Variants in PROP1 observed in about 807,000 individuals in gnomAD.
PROP1 encodes the protein PROP paired-like homeobox 1, also known as homeobox protein prophet of Pit-1.
In PROP1, 12 loss-of-function variants were observed where a neutral mutation model predicts 22.3. The observed-to-expected ratio is 0.54, with a 90% CI of 0.34 to 0.87. The LOEUF (loss-of-function observed/expected upper bound fraction) is 0.87. Among genes scored for constraint, PROP1 ranks in the 40% least tolerant of loss-of-function variants. The pLI, the probability that PROP1 is intolerant of heterozygous loss-of-function variation, is 0.01. For missense variants in PROP1, 278 were observed against 295.1 expected, an observed-to-expected ratio of 0.94 and a Z score of 0.43; for synonymous variants, 112 against 116.7, an observed-to-expected ratio of 0.96 and a Z score of 0.26.
rs777985364 is a variant in PROP1, at chr5:177,994,136, C to G, written c.312G>C (p.Arg104=). The part of the protein sequence containing the change: ...PDIWARESLA[R]DTGLSEARIQ... ...TTCGGGCCTCACTGAGGCCAGTGTC[C>G]CGGGCAAGACTCTCTCGGGCCCAGA... The change falls in exon 2 of 3, where the codon CGG becomes CGC. Residue 104 remains arginine (R), a synonymous_variant. Transcript: ENST00000308304. 8 of 1,614,010 alleles carry G rather than the reference C, an allele frequency of 5.0e-6. No homozygotes were observed. Among genetic ancestry groups the G allele is most frequent in the Non-Finnish European group, 6.8e-6 (8 of 1,180,020 alleles).
In PROP1 at chr5:177,992,944, T is replaced by C; in HGVS notation, c.446A>G (p.Glu149Gly). 1.2e-6 allele frequency: 2 copies of C among 1,613,912 alleles called. No homozygotes were observed. The highest frequency in any genetic ancestry group is 1.7e-6 in the Non-Finnish European group (2 of 1,179,970). Residue 149 changes from glutamate (E) to glycine (G), a missense_variant, in exon 3 of 3, where the codon GAG becomes GGG. Glu to Gly is a moderately conservative substitution (Grantham distance 98, BLOSUM62 -2). Transcript: ENST00000308304. ...GTAAGAATAGGGGCAAGCAGTGGAC[T>C]CTGGCAAGAAGCTGGAAAAGGCGGC... ...SPAAFSSFLP[E>G]STACPYSYAA...
chr5:177,995,959 C>G lies in PROP1; in HGVS notation c.-26G>C, dbSNP rs1017026134. ...GGCTCGCCACGGGGACCAAGTGTCCCTGAATCTCTGACTTGAGATTTCTCT... is the reference window on the plus strand; with the variant it reads ...GGCTCGCCACGGGGACCAAGTGTCCGTGAATCTCTGACTTGAGATTTCTCT... On this transcript the variant is annotated 5_prime_UTR_variant, in exon 1 of 3. Coordinates refer to ENST00000308304, the MANE Select transcript of PROP1 (RefSeq NM_006261.5). 1.3e-6 allele frequency: 2 copies of G among 1,595,254 alleles called. No homozygotes were observed. Among genetic ancestry groups the G allele is most frequent in the Non-Finnish European group, 1.7e-6 (2 of 1,164,840 alleles).
rs767952998 is a variant in PROP1, at chr5:177,994,213, C to G, written c.235G>C (p.Val79Leu). The G allele has an allele frequency of 3.1e-6, 5 of 1,614,156 alleles. No individual in the cohort carries two copies. Among genetic ancestry groups the G allele is most frequent in the Non-Finnish European group, 8.5e-7 (1 of 1,180,022 alleles). ...GCTGACTCCAGCTGTTCCAACTGCA[C>G]TGGGCTGAAGGTGGTGCGGTGGCGG... The part of the protein sequence containing the change: ...RRRHRTTFSP[V>L]QLEQLESAFG... Residue 79 changes from valine (V) to leucine (L), a missense_variant, in exon 2 of 3, where the codon GTG (valine) becomes CTG (leucine). Val to Leu is a conservative substitution (Grantham distance 32, BLOSUM62 1). Coordinates refer to ENST00000308304, the MANE Select transcript of PROP1 (RefSeq NM_006261.5).
chr5:177,992,389 CAATT>C lies in PROP1; in HGVS notation c.*316_*319del, dbSNP rs908131836. Reference sequence around the variant, plus strand: ...CTGGGATCTTCTTCAATCGTGATCTCAATTAATGAAGGCCCTCACCTCCTAGCCC... The same window carrying C: ...CTGGGATCTTCTTCAATCGTGATCTCAATGAAGGCCCTCACCTCCTAGCCC... On this transcript the variant is annotated 3_prime_UTR_variant, in exon 3 of 3. Transcript: ENST00000308304. 3.5e-5 allele frequency: 13 copies of C among 375,678 alleles called. No homozygotes were observed. Among genetic ancestry groups the C allele is most frequent in the African/African-American group, 2.2e-4 (11 of 49,600 alleles). 23.3% of individuals were successfully genotyped at this position (375,678 alleles called of 1,614,324 possible).
intron 2 of PROP1, 67 bp from the exon 3 acceptor site, chr5:177,993,114 A>G: frequency 7.3e-7 from 1 of 1,361,070 alleles, no homozygotes; most frequent in Non-Finnish European, 1.0e-6. Flanking sequence ...TACTCCAATG[A>G]CAAGAGGTGC....
Position 177,996,006 on chromosome 5 carries a change from A to T in PROP1, c.-73T>A. On this transcript the variant is annotated 5_prime_UTR_variant, in exon 1 of 3. Coordinates refer to ENST00000308304, the MANE Select transcript of PROP1 (RefSeq NM_006261.5). Reference sequence around the variant, plus strand: ...CTCTGCTTCCGCAGCTCCTCTCCACACCTGTTCCCTCCCCTTCTCCCTCTG... The same window carrying T: ...CTCTGCTTCCGCAGCTCCTCTCCACTCCTGTTCCCTCCCCTTCTCCCTCTG... The T allele has an allele frequency of 7.7e-7, 1 of 1,300,952 alleles. No homozygotes were observed. Among genetic ancestry groups the T allele is most frequent in the Middle Eastern group, 1.8e-4 (1 of 5,512 alleles). The allele number at this position is 1,300,952 out of a possible 1,614,324, so 80.6% of individuals were successfully genotyped here.
At chr5:177,993,379 G>A (rs1772700113) in intron 2 of PROP1, among the ~76,000 whole-genome samples, 1 of 152,168 alleles carries the variant, frequency 6.6e-6, no homozygotes, top group African/African-American at 2.4e-5. Flanking sequence ...GATTAAGACT[G>A]TAGATAAATG....
rs1481919405 is a variant in PROP1 at position 177,996,112 on chromosome 5, CT to C, written c.-180del. On this transcript the variant is annotated 5_prime_UTR_variant, in exon 1 of 3. Coordinates refer to ENST00000308304, the MANE Select transcript of PROP1 (RefSeq NM_006261.5). ...GTCTCTGACTTTTTCACTGTCTTTA[CT>C]TTTTTTCTAATTGTTTCCTAATTCC... 2.0e-5 allele frequency: 13 copies of C among 639,136 alleles called. No homozygotes were observed. The highest frequency in any genetic ancestry group is 3.6e-5 in the African/African-American group (2 of 54,838). 39.6% of individuals were successfully genotyped at this position (639,136 alleles called of 1,614,324 possible). A position where few individuals can be genotyped will look rare whatever the true frequency, so the allele number is the denominator to read the frequency against.
chr5:177,994,297 C>A lies in PROP1; in HGVS notation c.151G>T (p.Gly51Trp), dbSNP rs995937296. Residue 51 changes from glycine to tryptophan, a missense_variant, in exon 2 of 3, where the codon GGG becomes TGG. Transcript: ENST00000308304. ...PPCRRLPGAG[G>W]GRSRFSPQGG... Reference sequence around the variant, plus strand: ...TGCGGGGAGAACCTTGATCTCCCCCCTCCTGCACCAGGGAGCCTTCTGCAG... The same window carrying A: ...TGCGGGGAGAACCTTGATCTCCCCCATCCTGCACCAGGGAGCCTTCTGCAG... The A allele has an allele frequency of 1.4e-5, 23 of 1,611,834 alleles. No homozygotes were observed. The highest frequency in any genetic ancestry group is 2.7e-5 in the African/African-American group (2 of 74,886).
Position 177,992,543 on chromosome 5 carries a change from C to A in PROP1, c.*166G>T. 3 of 620,366 alleles carry A rather than the reference C, an allele frequency of 4.8e-6. No homozygotes were observed. Among genetic ancestry groups the A allele is most frequent in the South Asian group, 4.0e-5 (2 of 50,564 alleles). The allele number at this position is 620,366 out of a possible 1,614,324, so 38.4% of individuals were successfully genotyped here. The stretch of plus-strand genomic sequence containing the variant: ...CTCCCCAGACTTCCTCCACTAATCA[C>A]CCCAGTGAGAATTCACCATGATCTC... On this transcript the variant is annotated 3_prime_UTR_variant, in exon 3 of 3. Coordinates refer to ENST00000308304, the MANE Select transcript of PROP1 (RefSeq NM_006261.5).
In PROP1 at chr5:177,996,047, G is replaced by T; in HGVS notation, c.-114C>A. ...TCTCCCTCTGTGTATGCCACCCTCT[G>T]GGACTCTGTCTCTGAATGTGTGTGT... On this transcript the variant is annotated 5_prime_UTR_variant, in exon 1 of 3. Coordinates refer to ENST00000308304, the MANE Select transcript of PROP1 (RefSeq NM_006261.5). 1 of 868,544 alleles carries T rather than the reference G, an allele frequency of 1.2e-6. No individual in the cohort carries two copies. The highest frequency in any genetic ancestry group is 1.4e-5 in the South Asian group (1 of 71,622). 53.8% of individuals were successfully genotyped at this position (868,544 alleles called of 1,614,324 possible). A position where few individuals can be genotyped will look rare whatever the true frequency, so the allele number is the denominator to read the frequency against.
chr5:177,996,065 G>A lies in PROP1; in HGVS notation c.-132C>T, dbSNP rs1366282154. The A allele has an allele frequency of 1.3e-5, 10 of 749,506 alleles. No individual in the cohort carries two copies. The highest frequency in any genetic ancestry group is 2.3e-4 in the Middle Eastern group (1 of 4,432). The allele number at this position is 749,506 out of a possible 1,614,324, so 46.4% of individuals were successfully genotyped here. On this transcript the variant is annotated 5_prime_UTR_variant, in exon 1 of 3. Transcript: ENST00000308304. ...ACCCTCTGGGACTCTGTCTCTGAAT[G>A]TGTGTGTAGGTGCAGGCAGCTGTCT...
intron 2 of PROP1, among the ~76,000 whole-genome samples, chr5:177,993,591 TG>T (rs2113062182): frequency 6.6e-6 from 1 of 152,024 alleles, no homozygotes; most frequent in South Asian, 2.1e-4. Context: ...GACAAAGTTT[TG>T]TTCTTGTTGC....
In PROP1 at chr5:177,992,918, C is replaced by T. The variant is rs767223043; in HGVS notation, c.472G>A (p.Ala158Thr). 3.2e-5 allele frequency: 52 copies of T among 1,613,430 alleles called. No individual in the cohort carries two copies. Among genetic ancestry groups the T allele is most frequent in the Non-Finnish European group, 4.2e-5 (50 of 1,179,878 alleles). Reference protein sequence around the residue: ...PESTACPYSYAAPPPPVTCFP... With the variant: ...PESTACPYSYTAPPPPVTCFP... ...CAGGTCACTGGTGGTGGTGGTGCTG[C>T]GTAAGAATAGGGGCAAGCAGTGGAC... Residue 158 changes from alanine (A) to threonine (T), a missense_variant, in exon 3 of 3, where the codon GCA (alanine) becomes ACA (threonine). Transcript: ENST00000308304.
chr5:177,995,815 G>A lies in PROP1; in HGVS notation c.109+10C>T, dbSNP rs752485256. On this transcript the variant is annotated intron_variant, in intron 1 of 2. Transcript: ENST00000308304. ...CTCAGGGACCCACGCACACCGGGAC[G>A]GTCACTCACCCACCGTGGTGGTCGG... 5.0e-6 allele frequency: 8 copies of A among 1,608,944 alleles called. No homozygotes were observed. The African/African-American group carries it at 5.3e-5, about 11-fold the overall frequency.
rs1369929661 is a variant in PROP1 at position 177,994,302 on chromosome 5, G to A, written c.146C>T (p.Ala49Val). The A allele has an allele frequency of 2.5e-6, 4 of 1,609,980 alleles. No individual in the cohort carries two copies. The East Asian group carries it at 8.9e-5, about 36-fold the overall frequency. The change falls in exon 2 of 3, where the codon GCA (alanine) becomes GTA (valine). Residue 49 changes from alanine (A) to valine (V), a missense_variant. By Grantham distance (64) the Ala-to-Val change is moderately conservative. Coordinates refer to ENST00000308304, the MANE Select transcript of PROP1 (RefSeq NM_006261.5). Reference protein sequence around the residue: ...SAPPCRRLPGAGGGRSRFSPQ... With the variant: ...SAPPCRRLPGVGGGRSRFSPQ... ...GGAGAACCTTGATCTCCCCCCTCCT[G>A]CACCAGGGAGCCTTCTGCAGGGTGG...
Position 177,995,854 on chromosome 5 carries a change from G to C in PROP1, c.80C>G (p.Pro27Arg), listed in dbSNP as rs368561632. ...VGSNLLPERHPATGTPTTTVD... is the reference protein window; with the variant it reads ...VGSNLLPERHRATGTPTTTVD... ...CGTGGTGGTCGGGGTCCCAGTGGCC[G>C]GGTGTCTCTCAGGCAACAGGTTGCT... Residue 27 changes from proline (P) to arginine (R), a missense_variant, in exon 1 of 3, where the codon CCG becomes CGG. Physicochemically the swap from Pro to Arg is moderately radical, Grantham distance 103. Transcript: ENST00000308304. 1 of 1,613,756 alleles carries C rather than the reference G, an allele frequency of 6.2e-7. No individual in the cohort carries two copies. The highest frequency in any genetic ancestry group is 8.5e-7 in the Non-Finnish European group (1 of 1,180,024).
At chr5:177,995,236 C>G (rs1755734680) in intron 1 of PROP1, among the ~76,000 whole-genome samples, 2 of 152,150 alleles carry the variant, frequency 1.3e-5, no homozygotes, top group Admixed American at 6.5e-5. Flanking sequence ...AGCCACCAGG[C>G]TGCAGGAACT....
chr5:177,994,448 C>T (rs1447267277), intron 1 of PROP1, 110 bp from the exon 2 acceptor site: 1 of 909,922 alleles, frequency 1.1e-6, no homozygotes, highest in Non-Finnish European at 1.7e-6. Context: ...CTGCTCCAGT[C>T]TTTTTTTGAG....
Sources: allele counts gnomAD v4.1 joint callset (sites outside exome capture counted in the v4.1 genomes callset), GRCh38; gene constraint gnomAD v4.1.1; transcripts MANE v1.5; gene names NCBI Gene and HGNC (gene_info 2026-07-23, HGNC 2026-07-21).